Variants in TLN2 observed in about 807,000 individuals in gnomAD.
The protein encoded by TLN2 is talin 2.
A neutral mutation model predicts 294.7 loss-of-function variants in TLN2; 118 were observed. That is an observed-to-expected ratio of 0.40 (90% CI 0.34 to 0.47). TLN2 has a LOEUF of 0.47. TLN2 is among the 20% of genes least tolerant of loss of function. The probability of loss-of-function intolerance (pLI) is 0.84; values close to 1 mark genes in which losing one functional copy is unlikely to be tolerated. For synonymous variants in TLN2, 1,431 were observed against 1,304.5 expected (o/e 1.10, Z -2.09); for missense variants, 3,083 against 3,282.2 (o/e 0.94, Z 1.48).
intron 1 of TLN2, among the ~76,000 whole-genome samples, chr15:62,466,081 GC>G (rs1470765681): frequency 6.6e-6 from 1 of 152,186 alleles, no homozygotes; most frequent in African/African-American, 2.4e-5. Context: ...GGTGGGAAAT[GC>G]CCCCTGATCA....
At chr15:62,773,054 A>C (rs1158220160) in intron 42 of TLN2, among the ~76,000 whole-genome samples, 1 of 151,758 alleles carries the variant, frequency 6.6e-6, no homozygotes, top group African/African-American at 2.4e-5. Context: ...GAACCTCACA[A>C]CCTCAACTTC....
chr15:62,432,508 T>C (rs1196013979), intron 1 of TLN2, among the ~76,000 whole-genome samples: 1 of 152,184 alleles, frequency 6.6e-6, no homozygotes, highest in African/African-American at 2.4e-5. Flanking sequence ...CACTGTTGCA[T>C]TGGGGATTGT....
chr15:62,700,787 T>C (rs2058669193), intron 16 of TLN2, among the ~76,000 whole-genome samples: 1 of 152,156 alleles, frequency 6.6e-6, no homozygotes, highest in Non-Finnish European at 1.5e-5. Flanking sequence ...AACATTGATT[T>C]TTCTCTCCTC....
chr15:62,499,819 T>G (rs2039209783), intron 1 of TLN2, among the ~76,000 whole-genome samples: 1 of 151,972 alleles, frequency 6.6e-6, no homozygotes, highest in Non-Finnish European at 1.5e-5. Flanking sequence ...GTCAGGCTAG[T>G]CTCGAACTCC....
intron 1 of TLN2, among the ~76,000 whole-genome samples, chr15:62,485,745 C>T (rs887997977): frequency 2.0e-5 from 3 of 152,132 alleles, no homozygotes; most frequent in Admixed American, 6.6e-5. Flanking sequence ...AGCTCCTCAC[C>T]GCTTCCTGGC....
intron 1 of TLN2, among the ~76,000 whole-genome samples, chr15:62,543,616 G>A (rs2041824456): frequency 1.3e-5 from 2 of 152,042 alleles, no homozygotes; most frequent in African/African-American, 4.8e-5. Context: ...TTAGTTGGGC[G>A]TGGTGGTGTG....
At chr15:62,448,104 TG>T (rs1205031381) in intron 1 of TLN2, among the ~76,000 whole-genome samples, 1 of 152,132 alleles carries the variant, frequency 6.6e-6, no homozygotes, top group African/African-American at 2.4e-5. Flanking sequence ...GAGACGAACT[TG>T]GAGCAGAAGC....
chr15:62,401,857 G>C (rs2140238055), intron 1 of TLN2, among the ~76,000 whole-genome samples: 1 of 152,192 alleles, frequency 6.6e-6, no homozygotes, highest in East Asian at 1.9e-4. Context: ...GTTATCTCTA[G>C]ACCACTGATT....
chr15:62,708,823 G>A, intron 21 of TLN2, 27 bp downstream of exon 21: 1 of 1,579,292 alleles, frequency 6.3e-7, no homozygotes, highest in Non-Finnish European at 8.6e-7. Flanking sequence ...TGGGTGGGTG[G>A]ATGGGTGGCT....
chr15:62,644,906 C>T (rs571938028), intron 3 of TLN2: 28 of 291,012 alleles, frequency 9.6e-5, no homozygotes, highest in African/African-American at 2.6e-4. Flanking sequence ...GCAGACTTCA[C>T]GCAGCAACGC....
At chr15:62,464,278 A>G (rs903866012) in intron 1 of TLN2, among the ~76,000 whole-genome samples, 2 of 152,238 alleles carry the variant, frequency 1.3e-5, no homozygotes, top group African/African-American at 4.8e-5. Context: ...TTGCAGGGAC[A>G]TGGATGAAGC....
In TLN2 at chr15:62,702,168, T is replaced by C; in HGVS notation, c.1873T>C (p.Leu625=). Residue 625 remains leucine (L), a synonymous_variant, in exon 18 of 59, where the codon TTG becomes CTG. Transcript: ENST00000636159. ...ARTLAGAVSD[L]LKAVQPTSGE... ...GACCCTCGCTGGGGCGGTGTCAGAC[T>C]TGCTGAAAGCTGTGCAGCCTACTTC... The C allele has an allele frequency of 6.2e-7, 1 of 1,609,492 alleles. No individual in the cohort carries two copies. Among genetic ancestry groups the C allele is most frequent in the Non-Finnish European group, 8.5e-7 (1 of 1,177,808 alleles).
At chr15:62,486,810 GTT>G (rs1364205522) in intron 1 of TLN2, among the ~76,000 whole-genome samples, 5 of 141,228 alleles carry the variant, frequency 3.5e-5, no homozygotes, top group African/African-American at 5.2e-5. Flanking sequence ...GGTTTGCAAG[GTT>G]TTTTTTTTTT....
chr15:62,704,929 G>C (rs1443368661), intron 19 of TLN2, among the ~76,000 whole-genome samples: 1 of 152,154 alleles, frequency 6.6e-6, no homozygotes, highest in East Asian at 1.9e-4. Flanking sequence ...TAATTATCTT[G>C]ACGTAGTCAT....
intron 11 of TLN2, among the ~76,000 whole-genome samples, chr15:62,682,359 A>G (rs992678876): frequency 2.0e-5 from 3 of 152,232 alleles, no homozygotes; most frequent in African/African-American, 7.2e-5. Flanking sequence ...ATAAAAAATA[A>G]GCCGGATTTA....
At chr15:62,551,847 C>T (rs1428198047) in intron 1 of TLN2, among the ~76,000 whole-genome samples, 2 of 152,186 alleles carry the variant, frequency 1.3e-5, no homozygotes, top group African/African-American at 2.4e-5. Flanking sequence ...GCATTGAATT[C>T]ATTAGTTAAG....
intron 1 of TLN2, among the ~76,000 whole-genome samples, chr15:62,588,872 C>A (rs1475940691): frequency 6.7e-6 from 1 of 150,126 alleles, no homozygotes; most frequent in Non-Finnish European, 1.5e-5. Flanking sequence ...AATAAAATAA[C>A]AAACTAGCAA....
At chr15:62,403,826 C>T (rs1435740873) in intron 1 of TLN2, among the ~76,000 whole-genome samples, 1 of 152,170 alleles carries the variant, frequency 6.6e-6, no homozygotes, top group Admixed American at 6.5e-5. Flanking sequence ...CGCCGGCATC[C>T]CCTGGCCCCT....
chr15:62,682,411 G>C (rs2056914519), intron 11 of TLN2, among the ~76,000 whole-genome samples: 3 of 152,268 alleles, frequency 2.0e-5, no homozygotes, highest in South Asian at 4.1e-4. Flanking sequence ...GAGCATGTCT[G>C]CGAGTCATAT....
Sources: allele counts gnomAD v4.1 joint callset (sites outside exome capture counted in the v4.1 genomes callset), GRCh38; gene constraint gnomAD v4.1.1; transcripts MANE v1.5; gene names NCBI Gene and HGNC (gene_info 2026-07-23, HGNC 2026-07-21).